MTUS2: variants seen among roughly 807,000 people sequenced by gnomAD.
MTUS2 encodes microtubule-associated tumor suppressor candidate 2.
MTUS2 carries 40 observed loss-of-function variants against 114.1 expected under a neutral mutation model. The ratio of observed to expected loss-of-function variants is 0.35; its 90% confidence interval spans 0.27 to 0.46. The LOEUF is 0.46. MTUS2 is among the 20% of genes least tolerant of loss of function. The pLI is 1.00. For synonymous variants in MTUS2, 688 were observed against 672.0 expected (o/e 1.02, Z -0.37); for missense variants, 1,679 against 1,705.4 (o/e 0.98, Z 0.27).
At chr13:29,266,856 G>A (rs1897686099) in intron 5 of MTUS2, among the ~76,000 whole-genome samples, 1 of 152,192 alleles carries the variant, frequency 6.6e-6, no homozygotes, top group African/African-American at 2.4e-5. Context: ...AAGTAGGACA[G>A]GAAGCCACGG....
At chr13:29,206,782 T>C (rs1382439561) in intron 5 of MTUS2, among the ~76,000 whole-genome samples, 1 of 152,122 alleles carries the variant, frequency 6.6e-6, no homozygotes, top group Non-Finnish European at 1.5e-5. Context: ...TATTTTCATA[T>C]CAGTACCATG....
chr13:29,127,085 C>T (rs1000726123), intron 5 of MTUS2, among the ~76,000 whole-genome samples: 1 of 152,236 alleles, frequency 6.6e-6, no homozygotes. Flanking sequence ...TCACCTGCTC[C>T]TGGCCCCAGC....
chr13:29,482,387 TGAAAG>T (rs748328175), intron 10 of MTUS2: 2 of 152,224 alleles, frequency 1.3e-5, no homozygotes, highest in African/African-American at 4.8e-5. Flanking sequence ...ACTGGAGCGA[TGAAAG>T]GAAAGAAGCC....
At chr13:28,938,660 T>A (rs1024379511) in intron 2 of MTUS2, among the ~76,000 whole-genome samples, 3 of 152,158 alleles carry the variant, frequency 2.0e-5, no homozygotes, top group Non-Finnish European at 4.4e-5. Flanking sequence ...ATGGGATCTT[T>A]TAGTTTTAGA....
chr13:29,036,997 T>C (rs1887108902), intron 4 of MTUS2, among the ~76,000 whole-genome samples: 1 of 152,226 alleles, frequency 6.6e-6, no homozygotes, highest in African/African-American at 2.4e-5. Context: ...GTGGGGTGTT[T>C]ACCCCGTTTA....
chr13:29,276,507 G>A (rs1174231733), intron 5 of MTUS2, among the ~76,000 whole-genome samples: 1 of 152,140 alleles, frequency 6.6e-6, no homozygotes, highest in East Asian at 1.9e-4. Context: ...CATCCTTTGG[G>A]GAAAATGGTG....
At chr13:29,145,351 C>T (rs1178024238) in intron 5 of MTUS2, among the ~76,000 whole-genome samples, 2 of 152,036 alleles carry the variant, frequency 1.3e-5, no homozygotes, top group African/African-American at 4.8e-5. Context: ...GAAACCCCAT[C>T]TCTACTAAAA....
chr13:29,182,167 A>G (rs1281114270), intron 5 of MTUS2, among the ~76,000 whole-genome samples: 1 of 152,210 alleles, frequency 6.6e-6, no homozygotes, highest in African/African-American at 2.4e-5. Flanking sequence ...GCCTGAGGGT[A>G]AGTTCTAAGA....
intron 9 of MTUS2, among the ~76,000 whole-genome samples, chr13:29,460,949 CTCTTT>C (rs1280335324): frequency 6.7e-6 from 1 of 149,696 alleles, no homozygotes; most frequent in Non-Finnish European, 1.5e-5. Flanking sequence ...TGGGATTTTT[CTCTTT>C]TCTTTAGTGA....
intron 2 of MTUS2, among the ~76,000 whole-genome samples, chr13:28,912,787 AATGGGATTTC>A (rs1383256985): frequency 6.6e-6 from 1 of 152,090 alleles, no homozygotes; most frequent in Admixed American, 6.6e-5. Context: ...AGCAATTGTG[AATGGGATTTC>A]ATTCATGATT....
chr13:29,043,151 G>A (rs1887448939), intron 4 of MTUS2, among the ~76,000 whole-genome samples: 1 of 151,950 alleles, frequency 6.6e-6, no homozygotes, highest in African/African-American at 2.4e-5. Context: ...TTATTCAGTT[G>A]AAATAATTTT....
At chr13:28,865,753 C>T (rs1421749352) in intron 2 of MTUS2, among the ~76,000 whole-genome samples, 1 of 152,168 alleles carries the variant, frequency 6.6e-6, no homozygotes, top group East Asian at 1.9e-4. Context: ...AGAGAAGGAG[C>T]AGTATTATTG....
Position 29,389,489 on chromosome 13 carries a change from A to G in MTUS2, c.3117+30016A>G, listed in dbSNP as rs1390912875. ...TGTGTATATGTATACACGTGTGTGT[A>G]TGTGTATATATGTATACACGTGTGT... On this transcript the variant is annotated intron_variant, in intron 8 of 15. Transcript: ENST00000612955. Among the ~76,000 whole-genome samples the G allele has an allele frequency of 2.5e-4, 29 of 114,032 alleles. 1 individual carries two copies. Among genetic ancestry groups the G allele is most frequent in the African/African-American group, 8.6e-4 (25 of 29,192 alleles). 74.8% of individuals were successfully genotyped at this position (114,032 alleles called of 152,430 possible).
At chr13:29,329,153 T>C (rs953923641) in intron 7 of MTUS2, among the ~76,000 whole-genome samples, 1 of 152,200 alleles carries the variant, frequency 6.6e-6, no homozygotes, top group Admixed American at 6.5e-5. Flanking sequence ...AAATTATACT[T>C]TAAGTTCTGG....
intron 9 of MTUS2, among the ~76,000 whole-genome samples, chr13:29,459,672 A>C (rs143986793): frequency 6.7e-4 from 102 of 152,328 alleles, no homozygotes; most frequent in African/African-American, 2.3e-3. Context: ...TATTGCATTC[A>C]CTTTCATAAT....
intron 5 of MTUS2, among the ~76,000 whole-genome samples, chr13:29,246,620 A>T (rs1328363619): frequency 1.3e-5 from 2 of 152,232 alleles, no homozygotes; most frequent in African/African-American, 2.4e-5. Context: ...GATGTAGTTC[A>T]TTAGGAATAA....
In MTUS2 at chr13:29,363,843, T is replaced by C. The variant is rs115026543; in HGVS notation, c.3117+4370T>C. Among the ~76,000 whole-genome samples the C allele has an allele frequency of 2.7e-3, 415 of 152,322 alleles. 2 individuals carry two copies. The highest frequency in any genetic ancestry group is 9.2e-3 in the African/African-American group (381 of 41,570). On this transcript the variant is annotated intron_variant, in intron 8 of 15. Coordinates refer to ENST00000612955, the MANE Select transcript of MTUS2 (RefSeq NM_001033602.4). ...ACTTTAACAATAGAGCTCTTATTTA[T>C]TGACCATCTACTATGTCCTGGGCAC...
chr13:28,924,841 A>C (rs985169682), intron 2 of MTUS2, among the ~76,000 whole-genome samples: 1 of 152,110 alleles, frequency 6.6e-6, no homozygotes, highest in Non-Finnish European at 1.5e-5. Context: ...AATCACTTTA[A>C]GATTAGTGAG....
At chr13:28,847,745 G>C (rs1180642681) in intron 2 of MTUS2, among the ~76,000 whole-genome samples, 2 of 152,150 alleles carry the variant, frequency 1.3e-5, no homozygotes, top group Non-Finnish European at 2.9e-5. Context: ...CTCAAGTCTT[G>C]CTAGGGCACT....
Sources: allele counts gnomAD v4.1 joint callset (sites outside exome capture counted in the v4.1 genomes callset), GRCh38; gene constraint gnomAD v4.1.1; transcripts MANE v1.5; gene names NCBI Gene and HGNC (gene_info 2026-07-23, HGNC 2026-07-21).